Variants in DCC observed in about 807,000 individuals in gnomAD.
DCC encodes the protein DCC netrin 1 receptor.
Under a neutral mutation model 172.5 loss-of-function variants are expected in DCC, and 58 were observed. The ratio of observed to expected loss-of-function variants is 0.34; its 90% CI spans 0.27 to 0.42. DCC has a LOEUF of 0.42. DCC is among the 10% of genes least tolerant of loss of function. The pLI is 1.00. For missense variants in DCC, 1,740 were observed against 1,791.0 expected (o/e 0.97, Z 0.51); for synonymous variants, 709 against 644.5 (o/e 1.10, Z -1.52).
At chr18:53,122,686 T>C (rs1422341366) in intron 7 of DCC, among the ~76,000 whole-genome samples, 1 of 152,060 alleles carries the variant, frequency 6.6e-6, no homozygotes, top group African/African-American at 2.4e-5. Context: ...TTAAATTGCC[T>C]TGTGGTCTGA....
At chr18:53,350,233 G>A (rs1466615879) in intron 15 of DCC, among the ~76,000 whole-genome samples, 3 of 152,182 alleles carry the variant, frequency 2.0e-5, no homozygotes, top group Middle Eastern at 3.4e-3. Context: ...AATCGAACTC[G>A]TTCACCGCCA....
At position 52,437,186 on chromosome 18, in the gene DCC, T is replaced by C. The variant is rs151039658; in HGVS notation, c.91+96308T>C. ...GAAAAATGTTCCAGTCTCATTAAGA[T>C]GGCAAATTGCCAAATGGGGAAGACA... On this transcript the variant is annotated intron_variant, in intron 1 of 28. Coordinates refer to ENST00000442544, the MANE Select transcript of DCC (RefSeq NM_005215.4). 2.2e-4 allele frequency among the ~76,000 whole-genome samples: 34 copies of C among 152,314 alleles called. No individual in the cohort carries two copies. In the East Asian group the frequency reaches 6.4e-3, roughly 29 times the overall value.
intron 1 of DCC, among the ~76,000 whole-genome samples, chr18:52,704,196 A>G (rs1238632967): frequency 6.6e-6 from 1 of 152,076 alleles, no homozygotes; most frequent in Non-Finnish European, 1.5e-5. Flanking sequence ...TTTGTATGTG[A>G]TGAAATTCAA....
chr18:53,494,292 T>C (rs1232612321), intron 26 of DCC, among the ~76,000 whole-genome samples: 1 of 152,212 alleles, frequency 6.6e-6, no homozygotes, highest in Non-Finnish European at 1.5e-5. Flanking sequence ...ACAAAGAATG[T>C]ATATTCTGTT....
chr18:52,771,278 G>A (rs1267456239), intron 2 of DCC, among the ~76,000 whole-genome samples: 1 of 152,130 alleles, frequency 6.6e-6, no homozygotes, highest in Non-Finnish European at 1.5e-5. Flanking sequence ...TATTCACATA[G>A]AATGAATATT....
At chr18:53,007,679 C>T (rs779700279) in intron 5 of DCC, among the ~76,000 whole-genome samples, 1 of 151,896 alleles carries the variant, frequency 6.6e-6, no homozygotes, top group Non-Finnish European at 1.5e-5. Context: ...TTTATTTGTT[C>T]CAATATGTGA....
intron 9 of DCC, among the ~76,000 whole-genome samples, chr18:53,183,604 A>G (rs1029977128): frequency 5.3e-5 from 8 of 152,066 alleles, no homozygotes; most frequent in Admixed American, 2.0e-4. Flanking sequence ...CCACAACTCA[A>G]TTACCTACAA....
At chr18:52,386,471 C>G (rs551676996) in intron 1 of DCC, among the ~76,000 whole-genome samples, 27 of 152,122 alleles carry the variant, frequency 1.8e-4, no homozygotes, top group African/African-American at 6.5e-4. Context: ...TTTCCCTAGT[C>G]ATTTATTTTC....
chr18:52,676,971 T>G (rs893668283), intron 1 of DCC, among the ~76,000 whole-genome samples: 1 of 151,946 alleles, frequency 6.6e-6, no homozygotes, highest in Non-Finnish European at 1.5e-5. Context: ...GATATCTTTG[T>G]TTTTTTTCCC....
chr18:52,904,437 A>T (rs1332733758), intron 2 of DCC, among the ~76,000 whole-genome samples: 1 of 152,254 alleles, frequency 6.6e-6, no homozygotes, highest in Non-Finnish European at 1.5e-5. Flanking sequence ...AAAGTGAAAT[A>T]GCATCGCTTA....
intron 1 of DCC, among the ~76,000 whole-genome samples, chr18:52,520,774 A>G (rs1445924209): frequency 2.0e-5 from 3 of 152,102 alleles, no homozygotes; most frequent in African/African-American, 7.2e-5. Flanking sequence ...AGGGCCAGAG[A>G]ATCAAAGTAT....
At chr18:52,529,633 C>T (rs903176047) in intron 1 of DCC, among the ~76,000 whole-genome samples, 2 of 152,210 alleles carry the variant, frequency 1.3e-5, no homozygotes, top group African/African-American at 4.8e-5. Context: ...TCCTCAAGTT[C>T]TTCCAGGTTT....
intron 25 of DCC, among the ~76,000 whole-genome samples, chr18:53,476,076 T>A (rs1452611975): frequency 2.6e-5 from 4 of 152,310 alleles, no homozygotes; most frequent in Non-Finnish European, 4.4e-5. Flanking sequence ...TTGTTTTGGT[T>A]AATTTATCCC....
chr18:52,551,194 C>T (rs546496202), intron 1 of DCC, among the ~76,000 whole-genome samples: 10 of 151,964 alleles, frequency 6.6e-5, no homozygotes, highest in South Asian at 4.2e-4. Context: ...CATGGCAGAG[C>T]GGACATAATG....
chr18:53,025,714 A>G (rs900093253), intron 5 of DCC, among the ~76,000 whole-genome samples: 1 of 151,840 alleles, frequency 6.6e-6, no homozygotes, highest in African/African-American at 2.4e-5. Context: ...AGGGACATTT[A>G]AAGTAACTGA....
At chr18:52,799,845 CACTT>C (rs2037950669) in intron 2 of DCC, among the ~76,000 whole-genome samples, 1 of 152,126 alleles carries the variant, frequency 6.6e-6, no homozygotes, top group African/African-American at 2.4e-5. Context: ...ATAATTGAAT[CACTT>C]ACAGGATTAA....
chr18:52,758,183 T>G (rs1279918573), intron 2 of DCC, among the ~76,000 whole-genome samples: 1 of 152,190 alleles, frequency 6.6e-6, no homozygotes. Context: ...TAGTGACACA[T>G]GACAAATCTG....
intron 2 of DCC, among the ~76,000 whole-genome samples, chr18:52,820,262 C>G (rs1488919246): frequency 6.6e-6 from 1 of 152,004 alleles, no homozygotes; most frequent in Non-Finnish European, 1.5e-5. Context: ...CCAGAAGCAC[C>G]TTAATGAGTG....
chr18:53,439,444 A>G (rs999296228), intron 22 of DCC, among the ~76,000 whole-genome samples: 1 of 152,174 alleles, frequency 6.6e-6, no homozygotes, highest in Admixed American at 6.5e-5. Flanking sequence ...TTAGAGTGAC[A>G]GAATTATAGA....
Sources: gnomAD v4.1 joint callset for allele counts (sites outside exome capture counted in the v4.1 genomes callset) on GRCh38, gnomAD v4.1.1 for gene constraint, MANE v1.5 for transcripts, NCBI Gene and HGNC (gene_info 2026-07-23, HGNC 2026-07-21) for gene names.